Variants in KDM7A observed in about 807,000 individuals in gnomAD.
The protein encoded by KDM7A is lysine demethylase 7A, also known as lysine-specific demethylase 7A.
In KDM7A, 28 loss-of-function variants were observed where a neutral mutation model predicts 114.8. That is an observed-to-expected ratio of 0.24 (90% CI 0.18 to 0.33). The LOEUF is 0.33. Ranked by LOEUF, KDM7A falls within the 10% of genes least tolerant of loss-of-function variation. The pLI is 1.00. For synonymous variants in KDM7A, 423 were observed against 397.8 expected, an observed-to-expected ratio of 1.06 and a Z score of -0.75; for missense variants, 942 against 1,142.5, an observed-to-expected ratio of 0.82 and a Z score of 2.53.
rs542272385 is a variant in KDM7A at position 140,132,850 on chromosome 7, G to A, written c.398+689C>T. Among the ~76,000 whole-genome samples, 8 of 152,228 alleles carry A rather than the reference G, an allele frequency of 5.3e-5. No homozygotes were observed. The South Asian group carries it at 1.2e-3, about 24-fold the overall frequency. The stretch of plus-strand genomic sequence containing the variant: ...ATCTGAAATAATTCCATAATAAGCT[G>A]CATGTGATACTGTGATTTAAATTTA... On this transcript the variant is annotated intron_variant, in intron 3 of 19. Transcript: ENST00000397560.
chr7:140,091,825 T>C lies in KDM7A; in HGVS notation c.2710A>G (p.Ile904Val), dbSNP rs1250535589. ...TKRPASNPPP[I>V]SNQATKGKRP... Reference sequence around the variant, plus strand: ...TTACCTTTTGTTGCCTGGTTGCTGATAGGTGGTGGATTTGATGCCGGTCTC... The same window carrying C: ...TTACCTTTTGTTGCCTGGTTGCTGACAGGTGGTGGATTTGATGCCGGTCTC... Residue 904 changes from isoleucine (I) to valine (V), a missense_variant, in exon 19 of 20, where the codon ATC becomes GTC. This residue lies in a region of KDM7A where 512 missense variants were observed against 576.6 expected (regional missense o/e 0.89). Coordinates refer to ENST00000397560, the MANE Select transcript of KDM7A (RefSeq NM_030647.2). 1 of 1,611,656 alleles carries C rather than the reference T, an allele frequency of 6.2e-7. No homozygotes were observed. Among genetic ancestry groups the C allele is most frequent in the South Asian group, 1.1e-5 (1 of 91,032 alleles).
Position 140,133,507 on chromosome 7 carries a change from A to C in KDM7A, c.398+32T>G, listed in dbSNP as rs566734958. 6 of 1,223,370 alleles carry C rather than the reference A, an allele frequency of 4.9e-6. No homozygotes were observed. The African/African-American group carries it at 9.0e-5, about 18-fold the overall frequency. The allele number at this position is 1,223,370 out of a possible 1,614,324, so 75.8% of individuals were successfully genotyped here. ...TATGAGACGACATTCTTACATTCTT[A>C]CATTTTCTTTTATCAGAGTAAGTTT... On this transcript the variant is annotated intron_variant, in intron 3 of 19. Transcript: ENST00000397560.
rs756516155 is a variant in KDM7A at position 140,124,789 on chromosome 7, AG to A, written c.889-7del. The A allele has an allele frequency of 3.8e-6, 6 of 1,584,964 alleles. No individual in the cohort carries two copies. The highest frequency in any genetic ancestry group is 1.4e-5 in the African/African-American group (1 of 73,952). On this transcript the variant is annotated splice_region_variant and splice_polypyrimidine_tract_variant and intron_variant, in intron 6 of 19. Transcript: ENST00000397560. ...AAATAAAAAATCTTCTCACCCTAAA[AG>A]GAAGTATCATACTATTTTTGAAAAA...
intron 11 of KDM7A, among the ~76,000 whole-genome samples, chr7:140,109,330 C>T (rs1228227323): frequency 1.3e-5 from 2 of 152,220 alleles, no homozygotes; most frequent in African/African-American, 4.8e-5. Context: ...GCAGAAATGA[C>T]CCATCTTCTG....
intron 2 of KDM7A, among the ~76,000 whole-genome samples, chr7:140,137,700 A>G (rs2116818603): frequency 6.6e-6 from 1 of 152,368 alleles, no homozygotes; most frequent in Non-Finnish European, 1.5e-5. Context: ...CTATTTTAAA[A>G]GGAAATATTT....
rs770617567 is a variant in KDM7A, at chr7:140,094,146, GAA to G, written c.2375-10_2375-9del. 8 of 1,528,992 alleles carry G rather than the reference GAA, an allele frequency of 5.2e-6. No homozygotes were observed. The highest frequency in any genetic ancestry group is 7.3e-6 in the Non-Finnish European group (8 of 1,102,476). The allele number at this position is 1,528,992 out of a possible 1,614,324, so 94.7% of individuals were successfully genotyped here. On this transcript the variant is annotated splice_polypyrimidine_tract_variant and intron_variant, in intron 17 of 19. Coordinates refer to ENST00000397560, the MANE Select transcript of KDM7A (RefSeq NM_030647.2). Reference sequence around the variant, plus strand: ...CAGTCTTGACATGGTATCCTAAAGAGAAGTTTTAGTTTAATTAACTTTGCACA... The same window carrying G: ...CAGTCTTGACATGGTATCCTAAAGAGGTTTTAGTTTAATTAACTTTGCACA...
chr7:140,112,381 G>A (rs1018569165), intron 10 of KDM7A, among the ~76,000 whole-genome samples: 1 of 152,102 alleles, frequency 6.6e-6, no homozygotes, highest in Non-Finnish European at 1.5e-5. Context: ...AGGCCAAGAC[G>A]GGTGGATCAC....
intron 19 of KDM7A, 139 bp from the exon 20 acceptor site, chr7:140,091,327 TC>T: frequency 1.5e-6 from 1 of 665,858 alleles, no homozygotes. Context: ...CTTCTGAACT[TC>T]CGCTGTTTAA....
intron 1 of KDM7A, among the ~76,000 whole-genome samples, chr7:140,172,953 C>T (rs1371078518): frequency 1.3e-5 from 2 of 151,974 alleles, no homozygotes; most frequent in Non-Finnish European, 2.9e-5. Flanking sequence ...CCGATTTTTC[C>T]TTAATATATT....
At chr7:140,126,445 C>T (rs10243817) in intron 6 of KDM7A, among the ~76,000 whole-genome samples, 192 bp downstream of exon 6, 1 of 140,546 alleles carries the variant, frequency 7.1e-6, no homozygotes, top group Non-Finnish European at 1.5e-5. Flanking sequence ...AGTCATGGCT[C>T]TTCCATTATT....
chr7:140,096,472 C>T, intron 17 of KDM7A, 83 bp downstream of exon 17: 1 of 1,091,262 alleles, frequency 9.2e-7, no homozygotes, highest in Non-Finnish European at 1.4e-6. Flanking sequence ...TATTCATAAT[C>T]TCTAACCTAA....
chr7:140,100,675 T>TACAC lies in KDM7A; in HGVS notation c.1639-653_1639-652insGTGT, dbSNP rs1264035618. 7.4e-3 allele frequency among the ~76,000 whole-genome samples: 328 copies of TACAC among 44,172 alleles called. 1 individual carries two copies. Among genetic ancestry groups the TACAC allele is most frequent in the Non-Finnish European group, 0.011 (253 of 22,934 alleles). 29.0% of individuals were successfully genotyped at this position (44,172 alleles called of 152,430 possible). On this transcript the variant is annotated intron_variant, in intron 12 of 19. Coordinates refer to ENST00000397560, the MANE Select transcript of KDM7A (RefSeq NM_030647.2). ...TTTTAAAAAGTTATATATATATATATATATACATATATACATATATATATA... is the reference window on the plus strand; with the variant it reads ...TTTTAAAAAGTTATATATATATATATACACATATACATATATACATATATATATA...
intron 1 of KDM7A, among the ~76,000 whole-genome samples, chr7:140,142,346 TAGC>T (rs1794292922): frequency 6.7e-6 from 1 of 149,512 alleles, no homozygotes; most frequent in Admixed American, 6.6e-5. Context: ...TAAGCCAGAG[TAGC>T]AGAAGACATT....
chr7:140,159,653 A>T (rs1267975071), intron 1 of KDM7A, among the ~76,000 whole-genome samples: 1 of 152,358 alleles, frequency 6.6e-6, no homozygotes, highest in East Asian at 1.9e-4. Context: ...CTTGCCATTC[A>T]TACTGAGGAC....
intron 9 of KDM7A, among the ~76,000 whole-genome samples, chr7:140,118,755 T>C (rs1818572822): frequency 6.6e-6 from 1 of 152,114 alleles, no homozygotes; most frequent in African/African-American, 2.4e-5. Flanking sequence ...GAACATATAA[T>C]AGGTAACAGT....
intron 14 of KDM7A, among the ~76,000 whole-genome samples, chr7:140,098,218 TTAAA>T (rs1456367296): frequency 6.6e-6 from 1 of 152,222 alleles, no homozygotes; most frequent in African/African-American, 2.4e-5. Flanking sequence ...TCAACATGGA[TTAAA>T]TAATGTTAGT....
At chr7:140,163,144 G>A (rs1431686952) in intron 1 of KDM7A, among the ~76,000 whole-genome samples, 1 of 151,632 alleles carries the variant, frequency 6.6e-6, no homozygotes, top group Non-Finnish European at 1.5e-5. Context: ...ACAGGTGCCC[G>A]CCATCATGCC....
chr7:140,153,959 C>G lies in KDM7A; in HGVS notation c.195-14769G>C, dbSNP rs1175253933. Among the ~76,000 whole-genome samples, 5 of 152,308 alleles carry G rather than the reference C, an allele frequency of 3.3e-5. No individual in the cohort carries two copies. The East Asian group carries it at 9.6e-4, about 29-fold the overall frequency. The stretch of plus-strand genomic sequence containing the variant: ...GCAAGGAGGCAGCAAAACATGCTCT[C>G]CTGTCTGCGTGTAAACTGAAGAACA... On this transcript the variant is annotated intron_variant, in intron 1 of 19. Coordinates refer to ENST00000397560, the MANE Select transcript of KDM7A (RefSeq NM_030647.2).
At chr7:140,164,046 T>A (rs919676028) in intron 1 of KDM7A, among the ~76,000 whole-genome samples, 1 of 152,272 alleles carries the variant, frequency 6.6e-6, no homozygotes, top group East Asian at 1.9e-4. Context: ...AGACATTTTA[T>A]GCCTTCTGCT....
Sources: gnomAD v4.1 joint callset for allele counts (sites outside exome capture counted in the v4.1 genomes callset) on GRCh38, gnomAD v4.1.1 for gene constraint, gnomAD v4.1.1 regional missense constraint, MANE v1.5 for transcripts, NCBI Gene and HGNC (gene_info 2026-07-23, HGNC 2026-07-21) for gene names.